Variants in ANKS1B observed in about 807,000 individuals in gnomAD.
The protein encoded by ANKS1B is ankyrin repeat and sterile alpha motif domain-containing protein 1B.
ANKS1B carries 36 observed loss-of-function variants against 148.3 expected under a neutral mutation model. That is an observed-to-expected ratio of 0.24 (90% CI 0.19 to 0.32). ANKS1B has a LOEUF of 0.32. ANKS1B is among the 10% of genes least tolerant of loss of function. The probability of loss-of-function intolerance (pLI) is 1.00; values close to 1 mark genes in which losing one functional copy is unlikely to be tolerated. For synonymous variants in ANKS1B, 542 were observed against 560.8 expected, an observed-to-expected ratio of 0.97 and a Z score of 0.47; for missense variants, 1,157 against 1,542.6, an observed-to-expected ratio of 0.75 and a Z score of 4.19.
At chr12:99,958,391 G>A (rs935696667) in intron 1 of ANKS1B, among the ~76,000 whole-genome samples, 1 of 151,928 alleles carries the variant, frequency 6.6e-6, no homozygotes, top group Admixed American at 6.6e-5. Flanking sequence ...TTGTTTTTGG[G>A]GGGTTTTTTG....
At chr12:99,528,165 G>A (rs957515755) in intron 9 of ANKS1B, among the ~76,000 whole-genome samples, 2 of 152,054 alleles carry the variant, frequency 1.3e-5, no homozygotes, top group Non-Finnish European at 2.9e-5. Context: ...TAACTGGCTA[G>A]CCATATGCAG....
At chr12:99,519,346 G>A (rs73379560) in intron 9 of ANKS1B, among the ~76,000 whole-genome samples, 12,571 of 152,050 alleles carry the variant, frequency 0.083, 1,725 homozygotes, top group African/African-American at 0.29. Context: ...ATTGTATTAA[G>A]GCCTATCTGT....
chr12:98,777,243 G>A (rs1353621687), intron 24 of ANKS1B, among the ~76,000 whole-genome samples: 1 of 152,154 alleles, frequency 6.6e-6, no homozygotes, highest in East Asian at 1.9e-4. Context: ...CACTTGTTTA[G>A]GCAAATGTTC....
intron 17 of ANKS1B, among the ~76,000 whole-genome samples, chr12:98,999,621 A>G (rs1386651181): frequency 6.6e-6 from 1 of 152,226 alleles, no homozygotes; most frequent in African/African-American, 2.4e-5. Context: ...AGGTATCAAA[A>G]GAAAAAAGTC....
intron 12 of ANKS1B, among the ~76,000 whole-genome samples, chr12:99,282,568 A>G (rs951120982): frequency 1.3e-5 from 2 of 152,210 alleles, no homozygotes; most frequent in African/African-American, 2.4e-5. Context: ...TAATCCAGGC[A>G]GGAAAAGACC....
At chr12:99,872,447 A>C (rs1164365633) in intron 1 of ANKS1B, among the ~76,000 whole-genome samples, 1 of 152,112 alleles carries the variant, frequency 6.6e-6, no homozygotes, top group Non-Finnish European at 1.5e-5. Context: ...AAAAATAAGG[A>C]GAGAAAATCA....
In ANKS1B at chr12:99,632,754, TATATATATATA is replaced by T. The variant is rs1567522715; in HGVS notation, c.1272+22302_1272+22312del. ...ATATATATATATATATATATATATA[TATATATATATA>T]TATTTTAATTATACTTTAAGTTCTA... is the stretch of plus-strand genomic sequence containing the variant. On this transcript the variant is annotated intron_variant, in intron 9 of 26. Coordinates refer to ENST00000683438, the MANE Select transcript of ANKS1B (RefSeq NM_001352186.2). 2.2e-3 allele frequency among the ~76,000 whole-genome samples: 241 copies of T among 110,776 alleles called. 7 individuals carry two copies. The highest frequency in any genetic ancestry group is 7.5e-3 in the African/African-American group (223 of 29,832). 72.7% of individuals were successfully genotyped at this position (110,776 alleles called of 152,430 possible).
At chr12:99,772,759 A>G (rs1601838126) in intron 8 of ANKS1B, 163 bp downstream of exon 8, 4 of 600,378 alleles carry the variant, frequency 6.7e-6, no homozygotes, top group Non-Finnish European at 1.1e-5. Context: ...CTACACATGC[A>G]CTGCGAGTAA....
intron 19 of ANKS1B, among the ~76,000 whole-genome samples, chr12:98,814,143 G>C (rs867092230): frequency 6.6e-6 from 1 of 151,988 alleles, no homozygotes; most frequent in Non-Finnish European, 1.5e-5. Flanking sequence ...GCCTCCCAAA[G>C]TGCTTGGATT....
intron 4 of ANKS1B, among the ~76,000 whole-genome samples, chr12:99,803,139 T>A (rs1199154460): frequency 6.6e-6 from 1 of 152,048 alleles, no homozygotes; most frequent in East Asian, 1.9e-4. Context: ...CTGAAACAAT[T>A]TGAGGCTACT....
chr12:99,632,480 T>C (rs2098171268), intron 9 of ANKS1B, among the ~76,000 whole-genome samples: 3 of 151,474 alleles, frequency 2.0e-5, no homozygotes, highest in Admixed American at 2.0e-4. Context: ...ATGCCAGAAC[T>C]ATACAGCTGC....
intron 14 of ANKS1B, among the ~76,000 whole-genome samples, chr12:99,160,004 G>T (rs1020429126): frequency 6.6e-6 from 1 of 152,176 alleles, no homozygotes; most frequent in Admixed American, 6.5e-5. Flanking sequence ...TCGTATGTTT[G>T]TTGGCCACTT....
rs569537638 is a variant in ANKS1B, at chr12:99,595,240, G to A, written c.1272+59827C>T. Among the ~76,000 whole-genome samples, 2 of 151,894 alleles carry A rather than the reference G, an allele frequency of 1.3e-5. 1 individual carries two copies. Among genetic ancestry groups the A allele is most frequent in the South Asian group, 4.2e-4 (2 of 4,814 alleles). The stretch of plus-strand genomic sequence containing the variant: ...TGGCCTCACTGAAAATATTTTAAGA[G>A]GTCCCTAAACCTATAATGTTATGGT... On this transcript the variant is annotated intron_variant, in intron 9 of 26. Coordinates refer to ENST00000683438, the MANE Select transcript of ANKS1B (RefSeq NM_001352186.2).
Position 99,123,415 on chromosome 12 carries a change from T to C in ANKS1B, c.2526+30874A>G, listed in dbSNP as rs74352840. Among the ~76,000 whole-genome samples the C allele has an allele frequency of 3.9e-3, 593 of 152,244 alleles. 22 individuals are homozygous for C. In the East Asian group the frequency reaches 0.084, roughly 21 times the overall value. ...ATCAGGACCAGCCAGGAGACCTGTA[T>C]GACTGGGGTATTAGTCAGGGTTCTC... On this transcript the variant is annotated intron_variant, in intron 15 of 26. Coordinates refer to ENST00000683438, the MANE Select transcript of ANKS1B (RefSeq NM_001352186.2).
chr12:99,908,914 T>C (rs923704524), intron 1 of ANKS1B, among the ~76,000 whole-genome samples: 6 of 152,124 alleles, frequency 3.9e-5, no homozygotes, highest in African/African-American at 1.4e-4. Context: ...ATTCTGTACA[T>C]TGGATCTCTA....
At chr12:99,029,559 T>C (rs766629764) in intron 17 of ANKS1B, among the ~76,000 whole-genome samples, 2 of 152,178 alleles carry the variant, frequency 1.3e-5, no homozygotes, top group Non-Finnish European at 2.9e-5. Flanking sequence ...CTTGTCAGGG[T>C]AAGCGGTGAG....
intron 17 of ANKS1B, among the ~76,000 whole-genome samples, chr12:99,031,225 T>A (rs1396365095): frequency 6.6e-6 from 1 of 152,220 alleles, no homozygotes; most frequent in South Asian, 2.1e-4. Flanking sequence ...CCAAGTCAAA[T>A]TGATTAAAGA....
At chr12:98,793,841 T>C (rs2153564123) in intron 22 of ANKS1B, among the ~76,000 whole-genome samples, 1 of 152,266 alleles carries the variant, frequency 6.6e-6, no homozygotes, top group Non-Finnish European at 1.5e-5. Flanking sequence ...CATTACTGTA[T>C]ATTAGTGAAA....
intron 1 of ANKS1B, among the ~76,000 whole-genome samples, chr12:99,842,827 T>C (rs1199892625): frequency 6.6e-6 from 1 of 152,188 alleles, no homozygotes; most frequent in Non-Finnish European, 1.5e-5. Flanking sequence ...TGTTAATGCA[T>C]GAGCATTGAA....
Sources: gnomAD v4.1 joint callset for allele counts (sites outside exome capture counted in the v4.1 genomes callset) on GRCh38, gnomAD v4.1.1 for gene constraint, MANE v1.5 for transcripts, NCBI Gene and HGNC (gene_info 2026-07-23, HGNC 2026-07-21) for gene names.